Variants in TIAM1 observed in about 807,000 individuals in gnomAD.
TIAM1 encodes the protein rho guanine nucleotide exchange factor TIAM1.
TIAM1 carries 65 observed loss-of-function variants against 163.5 expected under a neutral mutation model. The ratio of observed to expected loss-of-function variants is 0.40; its 90% CI spans 0.33 to 0.49. The LOEUF (loss-of-function observed/expected upper bound fraction) is 0.49. Ranked by LOEUF, TIAM1 falls within the 20% of genes least tolerant of loss-of-function variation. TIAM1 has a pLI of 0.77. For missense variants in TIAM1, 1,789 were observed against 2,044.7 expected (o/e 0.87, Z 2.41); for synonymous variants, 833 against 810.1 (o/e 1.03, Z -0.48).
upstream of TIAM1, among the ~76,000 whole-genome samples, chr21:31,345,505 T>C (rs1464704162): frequency 1.3e-5 from 2 of 151,328 alleles, no homozygotes; most frequent in African/African-American, 4.9e-5. Context: ...TATATATTCA[T>C]ATGTATATGA....
intron 2 of TIAM1, among the ~76,000 whole-genome samples, chr21:31,363,817 G>A (rs2076450195): frequency 6.6e-6 from 1 of 152,122 alleles, no homozygotes; most frequent in Non-Finnish European, 1.5e-5. Flanking sequence ...TGTTTCTGAG[G>A]AAACTCTGGT....
At chr21:31,460,875 AAAAAG>A (rs1299378203) in intron 2 of TIAM1, among the ~76,000 whole-genome samples, 4 of 152,234 alleles carry the variant, frequency 2.6e-5, no homozygotes, top group Admixed American at 6.6e-5. Flanking sequence ...GATGCAATTA[AAAAAG>A]AAAAGTCCTT....
intron 8 of TIAM1, among the ~76,000 whole-genome samples, chr21:31,222,700 T>C (rs2087652741): frequency 4.5e-5 from 2 of 44,502 alleles, no homozygotes; most frequent in Non-Finnish European, 7.8e-5. Context: ...TATATATATA[T>C]ATATATATTT....
intron 3 of TIAM1, among the ~76,000 whole-genome samples, chr21:31,270,062 C>T (rs980173786): frequency 1.1e-4 from 17 of 152,190 alleles, no homozygotes; most frequent in Non-Finnish European, 2.4e-4. Context: ...TCTTACTTAA[C>T]CCTTTTTATT....
chr21:31,242,186 C>T (rs1170642246), intron 6 of TIAM1, among the ~76,000 whole-genome samples: 1 of 152,132 alleles, frequency 6.6e-6, no homozygotes, highest in Non-Finnish European at 1.5e-5. Context: ...GCTAATATCA[C>T]ATTAAATAGA....
At chr21:31,182,698 A>G in intron 14 of TIAM1, 53 bp from the exon 15 acceptor site, 10 of 1,545,984 alleles carry the variant, frequency 6.5e-6, no homozygotes, top group East Asian at 2.3e-5. Context: ...TCAGAACACA[A>G]CAGCTTAGGA....
At chr21:31,129,371 A>T (rs2833288) in intron 25 of TIAM1, among the ~76,000 whole-genome samples, 7,118 of 152,308 alleles carry the variant, frequency 0.047, 210 homozygotes, top group East Asian at 0.11. Context: ...TGCTATGTGG[A>T]TCACAGAAAA....
At chr21:31,455,570 G>A (rs1363316272) in intron 2 of TIAM1, among the ~76,000 whole-genome samples, 3 of 151,832 alleles carry the variant, frequency 2.0e-5, no homozygotes, top group Non-Finnish European at 2.9e-5. Flanking sequence ...CTGCCATGAC[G>A]CCCAGCTAAT....
intron 2 of TIAM1, among the ~76,000 whole-genome samples, chr21:31,384,713 A>G (rs931064970): frequency 6.6e-6 from 1 of 152,242 alleles, no homozygotes; most frequent in African/African-American, 2.4e-5. Context: ...TAAGTCCCAC[A>G]AATAGGTCAA....
intron 1 of TIAM1, among the ~76,000 whole-genome samples, chr21:31,341,579 A>G (rs1476252778): frequency 1.3e-5 from 2 of 152,200 alleles, no homozygotes; most frequent in Non-Finnish European, 2.9e-5. Flanking sequence ...TTCTAGTTAC[A>G]TTTTTCCAGA....
In TIAM1 at chr21:31,210,754, G is replaced by GAAAGAA. The variant is rs1243691561; in HGVS notation, c.2218-545_2218-540dup. ...GAGAAAGAAGGAAGGAAGGGAGAAA[G>GAAAGAA]AAAGAAAGAAAGAAAGAAAGAAAGA... On this transcript the variant is annotated intron_variant, in intron 10 of 27. Transcript: ENST00000541036. 3.9e-3 allele frequency among the ~76,000 whole-genome samples: 353 copies of GAAAGAA among 90,268 alleles called. 10 individuals carry two copies. Among genetic ancestry groups the GAAAGAA allele is most frequent in the Non-Finnish European group, 5.3e-3 (233 of 43,790 alleles). The allele number at this position is 90,268 out of a possible 152,430, so 59.2% of individuals were successfully genotyped here.
intron 2 of TIAM1, among the ~76,000 whole-genome samples, chr21:31,425,527 T>C (rs1300092938): frequency 2.6e-5 from 4 of 152,124 alleles, no homozygotes; most frequent in Admixed American, 2.0e-4. Context: ...TCTGGTTTAG[T>C]TGGTCTGCAA....
At chr21:31,265,888 C>A in intron 4 of TIAM1, 122 bp downstream of exon 4, 1 of 1,353,772 alleles carries the variant, frequency 7.4e-7, no homozygotes, top group East Asian at 2.4e-5. Flanking sequence ...CCAGCTGCAG[C>A]AACTACCAGG....
chr21:31,471,740 G>C (rs907275415), intron 1 of TIAM1, among the ~76,000 whole-genome samples: 2 of 151,980 alleles, frequency 1.3e-5, no homozygotes, highest in African/African-American at 4.8e-5. Context: ...ATGGTGGTGC[G>C]TGCCTGTAAT....
chr21:31,444,277 G>A (rs953904950), intron 2 of TIAM1, among the ~76,000 whole-genome samples: 1 of 152,052 alleles, frequency 6.6e-6, no homozygotes, highest in Non-Finnish European at 1.5e-5. Context: ...ACGGCGTGGC[G>A]CTGAGTCAGC....
chr21:31,307,112 A>G (rs896401260), intron 2 of TIAM1, among the ~76,000 whole-genome samples: 1 of 152,232 alleles, frequency 6.6e-6, no homozygotes, highest in Non-Finnish European at 1.5e-5. Context: ...ACAGGTGAAA[A>G]CAGATATGGA....
At chr21:31,296,727 G>A (rs769191419) in intron 2 of TIAM1, among the ~76,000 whole-genome samples, 14 of 151,856 alleles carry the variant, frequency 9.2e-5, no homozygotes, top group East Asian at 1.9e-4. Flanking sequence ...GCAGTGGTGC[G>A]ATCTCAGCTT....
At chr21:31,428,435 T>C (rs564653594) in intron 2 of TIAM1, among the ~76,000 whole-genome samples, 2 of 152,342 alleles carry the variant, frequency 1.3e-5, no homozygotes, top group East Asian at 3.9e-4. Flanking sequence ...GTATACCTAT[T>C]ACTCATGATA....
intron 1 of TIAM1, among the ~76,000 whole-genome samples, chr21:31,476,586 C>T (rs1253718230): frequency 6.6e-6 from 1 of 152,202 alleles, no homozygotes; most frequent in African/African-American, 2.4e-5. Flanking sequence ...TTCATTTTCT[C>T]TTCTCATTTT....
Sources: gnomAD v4.1 joint callset for allele counts (sites outside exome capture counted in the v4.1 genomes callset) on GRCh38, gnomAD v4.1.1 for gene constraint, MANE v1.5 for transcripts, NCBI Gene and HGNC (gene_info 2026-07-23, HGNC 2026-07-21) for gene names.